The following ACKR3 variants were observed in gnomAD, a reference collection of about 807,000 sequenced individuals.
ACKR3 encodes C-X-C chemokine receptor type 7.
Under a neutral mutation model 22.4 loss-of-function variants are expected in ACKR3, and 6 were observed. The observed-to-expected ratio is 0.27, with a 90% CI of 0.15 to 0.53. ACKR3 has a LOEUF of 0.53. ACKR3 is among the 20% of genes least tolerant of loss of function. The probability of loss-of-function intolerance (pLI) is 0.96; values close to 1 mark genes in which losing one functional copy is unlikely to be tolerated. For synonymous variants in ACKR3, 209 were observed against 205.2 expected, an observed-to-expected ratio of 1.02 and a Z score of -0.16; for missense variants, 396 against 475.2, an observed-to-expected ratio of 0.83 and a Z score of 1.55.
the ACKR3 span, among the ~76,000 whole-genome samples, chr2:236,557,043 AC>A: frequency 6.6e-6 from 1 of 152,222 alleles, no homozygotes; most frequent in Non-Finnish European, 1.5e-5. Context: ...CAACAATAAG[AC>A]GCTAATAAAG....
intron 1 of ACKR3, among the ~76,000 whole-genome samples, chr2:236,573,076 A>T (rs1014582857): frequency 6.6e-6 from 1 of 152,212 alleles, no homozygotes; most frequent in Non-Finnish European, 1.5e-5. Flanking sequence ...GCCCTAGCAG[A>T]TAGTCACAGA....
chr2:236,551,336 G>A, the ACKR3 span, among the ~76,000 whole-genome samples: 1 of 152,220 alleles, frequency 6.6e-6, no homozygotes, highest in Admixed American at 6.5e-5. Context: ...CCCACTGGTG[G>A]CTTGGAGCTG....
At chr2:236,558,941 C>A in the ACKR3 span, among the ~76,000 whole-genome samples, 5 of 152,152 alleles carry the variant, frequency 3.3e-5, no homozygotes, top group African/African-American at 1.2e-4. Flanking sequence ...TAATTCCCTG[C>A]AGGACTTAGA....
the ACKR3 span, among the ~76,000 whole-genome samples, chr2:236,562,090 G>A: frequency 6.6e-6 from 1 of 152,168 alleles, no homozygotes; most frequent in African/African-American, 2.4e-5. Flanking sequence ...TATGATGTTG[G>A]CTCTAAGTAT....
intron 1 of ACKR3, among the ~76,000 whole-genome samples, chr2:236,579,946 G>A (rs1574977616): frequency 6.6e-6 from 1 of 152,206 alleles, no homozygotes; most frequent in African/African-American, 2.4e-5. Flanking sequence ...GATTTGAAAT[G>A]CTTTCATTAA....
intron 1 of ACKR3, among the ~76,000 whole-genome samples, chr2:236,571,896 T>G (rs1691318960): frequency 6.6e-6 from 1 of 152,190 alleles, no homozygotes; most frequent in Non-Finnish European, 1.5e-5. Flanking sequence ...AGAAGGCATT[T>G]GTACCTTTAA....
chr2:236,558,488 T>C, the ACKR3 span, among the ~76,000 whole-genome samples: 1 of 151,782 alleles, frequency 6.6e-6, no homozygotes, highest in Admixed American at 6.6e-5. Context: ...AGACGAATCC[T>C]GCTGACCTCC....
the ACKR3 span, among the ~76,000 whole-genome samples, chr2:236,544,044 G>T: frequency 7.2e-6 from 1 of 138,170 alleles, no homozygotes; most frequent in South Asian, 2.4e-4. The surrounding 1 kb of genome is among the most constrained non-coding windows in gnomAD (Gnocchi z 5.0). Flanking sequence ...AGGCTGGAAT[G>T]CAGTATGTGA....
upstream of ACKR3, among the ~76,000 whole-genome samples, chr2:236,568,210 C>T (rs546062476): frequency 5.9e-5 from 9 of 152,216 alleles, no homozygotes; most frequent in African/African-American, 2.2e-4. Context: ...GGCGCGCAGG[C>T]TCTGCAATGC....
intron 1 of ACKR3, among the ~76,000 whole-genome samples, chr2:236,575,980 G>A (rs1691405150): frequency 6.6e-6 from 1 of 152,184 alleles, no homozygotes; most frequent in Non-Finnish European, 1.5e-5. Context: ...CTTTTGTTCT[G>A]CACCCCCTCC....
intron 1 of ACKR3, 34 bp downstream of exon 1, chr2:236,569,958 C>G (rs950993587): frequency 6.6e-6 from 1 of 152,340 alleles, no homozygotes; most frequent in Non-Finnish European, 1.5e-5. Context: ...CAGCTCTGCT[C>G]GGAAAGAAGG....
the ACKR3 span, among the ~76,000 whole-genome samples, chr2:236,547,245 ATAT>A: frequency 6.6e-6 from 1 of 152,234 alleles, no homozygotes; most frequent in African/African-American, 2.4e-5. Flanking sequence ...CTGTTTACAA[ATAT>A]TATTCTTGTT....
rs1691368012 is a variant in ACKR3, at chr2:236,574,468, G to C, written c.-27+4544G>C. Among the ~76,000 whole-genome samples, 1 of 152,118 alleles carries C rather than the reference G, an allele frequency of 6.6e-6. No homozygotes were observed. Among genetic ancestry groups the C allele is most frequent in the African/African-American group, 2.4e-5 (1 of 41,414 alleles). ...TTCCAGAATAGAGATGTGCAGTGTG[G>C]GGCCAGGAGAAGGTGGGAGAATCAG... On this transcript the variant is annotated intron_variant, in intron 1 of 1. Transcript: ENST00000272928. The surrounding 1 kb of genome is among the most constrained non-coding windows in gnomAD (Gnocchi z 5.6).
upstream of ACKR3, among the ~76,000 whole-genome samples, chr2:236,566,159 C>G (rs1488288502): frequency 2.0e-5 from 3 of 152,204 alleles, no homozygotes; most frequent in African/African-American, 2.4e-5. Flanking sequence ...GGTGCCACAT[C>G]TACAGGCGAA....
chr2:236,556,815 A>G, the ACKR3 span, among the ~76,000 whole-genome samples: 1 of 152,152 alleles, frequency 6.6e-6, no homozygotes, highest in African/African-American at 2.4e-5. Context: ...CAGCCTCCCA[A>G]GTAGCTGAGA....
At chr2:236,557,749 C>T in the ACKR3 span, among the ~76,000 whole-genome samples, 81 of 152,238 alleles carry the variant, frequency 5.3e-4, no homozygotes, top group African/African-American at 1.9e-3. Context: ...GTGGAACAGC[C>T]TGACAGCCAG....
chr2:236,550,824 T>C, the ACKR3 span, among the ~76,000 whole-genome samples: 2 of 152,192 alleles, frequency 1.3e-5, no homozygotes, highest in African/African-American at 2.4e-5. This position sits in a 1 kb window ranked among gnomAD's most constrained non-coding sequence, Gnocchi z 4.6. Context: ...CTTACTGCTG[T>C]CCTTATGTTT....
At chr2:236,548,936 G>A in the ACKR3 span, among the ~76,000 whole-genome samples, 7 of 152,110 alleles carry the variant, frequency 4.6e-5, no homozygotes, top group African/African-American at 9.7e-5. This position sits in a 1 kb window ranked among gnomAD's most constrained non-coding sequence, Gnocchi z 4.3. Flanking sequence ...CAACAAGGGC[G>A]CACATATTTA....
At chr2:236,579,396 G>A (rs1691475883) in intron 1 of ACKR3, among the ~76,000 whole-genome samples, 1 of 152,206 alleles carries the variant, frequency 6.6e-6, no homozygotes, top group South Asian at 2.1e-4. Flanking sequence ...AGGGCTAATT[G>A]CTGACCCAGG....
Sources: allele counts gnomAD v4.1 joint callset (sites outside exome capture counted in the v4.1 genomes callset), GRCh38; gene constraint gnomAD v4.1.1; non-coding constraint Gnocchi (gnomAD v3.1); transcripts MANE v1.5; gene names NCBI Gene and HGNC (gene_info 2026-07-23, HGNC 2026-07-21).